Variants in EYS observed in about 807,000 individuals in gnomAD.
The protein encoded by EYS is EGF-like photoreceptor maintenance factor.
A neutral mutation model predicts 282.1 loss-of-function variants in EYS; 250 were observed. That is an observed-to-expected ratio of 0.89 (90% CI 0.80 to 0.98). EYS has a LOEUF of 0.98. Ranked by LOEUF, EYS falls within the 50% of genes least tolerant of loss-of-function variation. The pLI, the probability that EYS is intolerant of heterozygous loss-of-function variation, is 0.00. For synonymous variants in EYS, 1,355 were observed against 1,282.9 expected (o/e 1.06, Z -1.20); for missense variants, 4,016 against 3,709.0 (o/e 1.08, Z -2.15).
chr6:65,495,052 G>A lies in EYS; in HGVS notation c.359C>T (p.Thr120Met), dbSNP rs12193967. The A allele has an allele frequency of 0.21, 339,188 of 1,613,900 alleles. 37,656 individuals carry two copies. The highest frequency in any genetic ancestry group is 0.26 in the Admixed American group (15,531 of 60,004). The change falls in exon 4 of 43, where the codon ACG (threonine) becomes ATG (methionine). Residue 120 changes from threonine to methionine, a missense_variant. Transcript: ENST00000503581. Reference protein sequence around the residue: ...SFVGCVQNTTTEDQLLFGCRL... With the variant: ...SFVGCVQNTTMEDQLLFGCRL... ...GCAGCCAAAAAGTAACTGATCTTCCGTTGTGGTATTTTGCACACAGCCAAC... is the reference window on the plus strand; with the variant it reads ...GCAGCCAAAAAGTAACTGATCTTCCATTGTGGTATTTTGCACACAGCCAAC...
chr6:65,180,125 A>G (rs1474937292), intron 12 of EYS, among the ~76,000 whole-genome samples: 1 of 151,996 alleles, frequency 6.6e-6, no homozygotes, highest in Non-Finnish European at 1.5e-5. Flanking sequence ...AACTGGAAGC[A>G]TTCCCTTTGA....
At chr6:64,490,295 T>A (rs1008091364) in intron 26 of EYS, among the ~76,000 whole-genome samples, 6 of 150,880 alleles carry the variant, frequency 4.0e-5, no homozygotes, top group African/African-American at 7.3e-5. Flanking sequence ...CCAAGCACAA[T>A]ACCATATGTT....
At chr6:65,260,842 A>G (rs1767601009) in intron 12 of EYS, among the ~76,000 whole-genome samples, 1 of 152,044 alleles carries the variant, frequency 6.6e-6, no homozygotes, top group Admixed American at 6.6e-5. Flanking sequence ...GTAGAGAATT[A>G]TTTTCCTATA....
intron 12 of EYS, among the ~76,000 whole-genome samples, chr6:65,274,146 C>A (rs1247201189): frequency 1.3e-5 from 2 of 152,190 alleles, no homozygotes; most frequent in Admixed American, 1.3e-4. Flanking sequence ...TACTCAGCAG[C>A]TGACTTGTGG....
chr6:65,392,877 G>A (rs1307192472), intron 7 of EYS, among the ~76,000 whole-genome samples: 1 of 152,050 alleles, frequency 6.6e-6, no homozygotes, highest in African/African-American at 2.4e-5. Context: ...GCACACATAT[G>A]TTTATTGCGG....
chr6:64,830,066 C>T (rs867081932), intron 19 of EYS, among the ~76,000 whole-genome samples: 1 of 151,874 alleles, frequency 6.6e-6, no homozygotes, highest in Non-Finnish European at 1.5e-5. Flanking sequence ...ATCCTAACCC[C>T]TAAAGTGATG....
chr6:63,971,729 A>G (rs79312518), intron 35 of EYS, among the ~76,000 whole-genome samples: 1,966 of 152,272 alleles, frequency 0.013, 37 homozygotes, highest in African/African-American at 0.044. Flanking sequence ...GCACAATCCC[A>G]CCACATAGGT....
At chr6:63,753,515 G>A (rs959635730) in intron 41 of EYS, among the ~76,000 whole-genome samples, 8 of 152,032 alleles carry the variant, frequency 5.3e-5, no homozygotes, top group Non-Finnish European at 5.9e-5. Flanking sequence ...GGGAAGCAAG[G>A]ACCTTCTTCA....
intron 26 of EYS, among the ~76,000 whole-genome samples, chr6:64,550,700 AT>A (rs1330945978): frequency 2.0e-5 from 3 of 152,144 alleles, no homozygotes; most frequent in Non-Finnish European, 2.9e-5. Flanking sequence ...ATGATTGTAT[AT>A]CTAGAAAACC....
intron 31 of EYS, among the ~76,000 whole-genome samples, chr6:64,191,135 C>T (rs1284349713): frequency 1.3e-5 from 2 of 151,914 alleles, no homozygotes; most frequent in African/African-American, 4.8e-5. Flanking sequence ...ATATCTTCTT[C>T]CATTCTTGGC....
In EYS at chr6:64,620,219, T is replaced by G. The variant is rs182527368; in HGVS notation, c.3569-2686A>C. Among the ~76,000 whole-genome samples the G allele has an allele frequency of 3.9e-5, 6 of 152,172 alleles. No homozygotes were observed. The East Asian group carries it at 1.2e-3, about 29-fold the overall frequency. The stretch of plus-strand genomic sequence containing the variant: ...GTCCCCTCAGTCAGGATCAGGAAGA[T>G]GAGAAATATAAAAGCACTCTTAGGA... On this transcript the variant is annotated intron_variant, in intron 23 of 42. Coordinates refer to ENST00000503581, the MANE Select transcript of EYS (RefSeq NM_001142800.2).
At position 64,697,585 on chromosome 6, in the gene EYS, G is replaced by A. The variant is rs114606016; in HGVS notation, c.3444-71340C>T. The stretch of plus-strand genomic sequence containing the variant: ...ATTCTACTTTACAAAAGCAGAATAT[G>A]CATTGTCCTCAGTGCATGGAATATT... On this transcript the variant is annotated intron_variant, in intron 22 of 42. Coordinates refer to ENST00000503581, the MANE Select transcript of EYS (RefSeq NM_001142800.2). Among the ~76,000 whole-genome samples, 916 of 152,208 alleles carry A rather than the reference G, an allele frequency of 6.0e-3. 10 individuals are homozygous for A. Among genetic ancestry groups the A allele is most frequent in the African/African-American group, 0.021 (882 of 41,534 alleles).
chr6:63,944,031 G>A (rs1051602591), intron 35 of EYS, among the ~76,000 whole-genome samples: 2 of 152,164 alleles, frequency 1.3e-5, no homozygotes, highest in African/African-American at 4.8e-5. Context: ...AAAAGCCAGA[G>A]AGAAAAGCAG....
At chr6:63,920,027 A>G (rs1017984414) in intron 35 of EYS, among the ~76,000 whole-genome samples, 1 of 152,200 alleles carries the variant, frequency 6.6e-6, no homozygotes, top group African/African-American at 2.4e-5. Flanking sequence ...TTGGTTACCA[A>G]TGATTTGAAG....
chr6:64,974,959 G>GT (rs1770426249), intron 14 of EYS, among the ~76,000 whole-genome samples: 1 of 151,676 alleles, frequency 6.6e-6, no homozygotes, highest in African/African-American at 2.4e-5. Flanking sequence ...TTATACAAGA[G>GT]TAAAAAATGA....
chr6:64,146,461 C>G (rs1446190872), intron 31 of EYS, among the ~76,000 whole-genome samples: 1 of 152,060 alleles, frequency 6.6e-6, no homozygotes, highest in African/African-American at 2.4e-5. Flanking sequence ...AAAGCAGAAC[C>G]TGAGGCAAGA....
chr6:64,615,283 T>C (rs1358477153), intron 24 of EYS, among the ~76,000 whole-genome samples: 4 of 152,090 alleles, frequency 2.6e-5, no homozygotes, highest in African/African-American at 9.7e-5. Context: ...CATTTCCCCA[T>C]GGTTGTGATT....
chr6:65,572,660 T>C (rs1442818874), intron 2 of EYS, among the ~76,000 whole-genome samples: 2 of 152,168 alleles, frequency 1.3e-5, no homozygotes, highest in Non-Finnish European at 2.9e-5. Flanking sequence ...TCTAGGTATG[T>C]AGTAGTCAGT....
intron 26 of EYS, among the ~76,000 whole-genome samples, chr6:64,519,050 G>A (rs1185175670): frequency 6.6e-6 from 1 of 151,804 alleles, no homozygotes; most frequent in Non-Finnish European, 1.5e-5. Context: ...TGAAGCACAT[G>A]TACTTTAGTT....
Sources: gnomAD v4.1 joint callset for allele counts (sites outside exome capture counted in the v4.1 genomes callset) on GRCh38, gnomAD v4.1.1 for gene constraint, MANE v1.5 for transcripts, NCBI Gene and HGNC (gene_info 2026-07-23, HGNC 2026-07-21) for gene names.